Variants in WNK1 observed in about 807,000 individuals in gnomAD.
WNK1 encodes the protein WNK lysine deficient protein kinase 1.
WNK1 carries 38 observed loss-of-function variants against 222.8 expected under a neutral mutation model. The ratio of observed to expected loss-of-function variants is 0.17; its 90% CI spans 0.13 to 0.22. The LOEUF is 0.22. Ranked by LOEUF, WNK1 falls within the 10% of genes least tolerant of loss-of-function variation. The pLI, the probability that WNK1 is intolerant of heterozygous loss-of-function variation, is 1.00. For synonymous variants in WNK1, 1,090 were observed against 1,092.9 expected (o/e 1.00, Z 0.05); for missense variants, 2,348 against 2,918.4 (o/e 0.80, Z 4.50).
At chr12:796,980 C>A (rs1013432036) in intron 1 of WNK1, among the ~76,000 whole-genome samples, 1 of 152,120 alleles carries the variant, frequency 6.6e-6, no homozygotes, top group Admixed American at 6.6e-5. Flanking sequence ...GTGAAGTTCT[C>A]AAGATTTTAG....
At chr12:757,264 TAG>T (rs1475703060) in intron 1 of WNK1, among the ~76,000 whole-genome samples, 2 of 151,830 alleles carry the variant, frequency 1.3e-5, no homozygotes, top group South Asian at 4.2e-4. Context: ...CTAATTTTTT[TAG>T]AGTCATGCTA....
intron 26 of WNK1, among the ~76,000 whole-genome samples, chr12:903,214 G>A (rs1057135994): frequency 6.6e-6 from 1 of 152,180 alleles, no homozygotes; most frequent in South Asian, 2.1e-4. Flanking sequence ...AGCTGTACTT[G>A]AGAGGCAGTC....
rs769005413 is a variant in WNK1, at chr12:753,916, G to C, written c.351G>C (p.Pro117=). The C allele has an allele frequency of 4.3e-6, 7 of 1,609,224 alleles. No individual in the cohort carries two copies. Among genetic ancestry groups the C allele is most frequent in the Non-Finnish European group, 5.9e-6 (7 of 1,178,374 alleles). The change falls in exon 1 of 28, where the codon CCG becomes CCC. Residue 117 remains proline, a synonymous_variant. Coordinates refer to ENST00000315939, the MANE Select transcript of WNK1 (RefSeq NM_018979.4). This position sits in a 1 kb window ranked among gnomAD's most constrained non-coding sequence, Gnocchi z 5.2. ...IPAAVPQSAP[P]EPHREETVTA... ...CGGCTGTCCCGCAGAGTGCTCCACCGGAGCCCCACCGGGAAGAGACCGTGA... is the reference window on the plus strand; with the variant it reads ...CGGCTGTCCCGCAGAGTGCTCCACCCGAGCCCCACCGGGAAGAGACCGTGA...
chr12:813,234 TAAAC>T (rs1449225501), intron 1 of WNK1, among the ~76,000 whole-genome samples: 1 of 152,176 alleles, frequency 6.6e-6, no homozygotes, highest in Non-Finnish European at 1.5e-5. Context: ...TCCTGTCTTT[TAAAC>T]AAACAAACAA....
At chr12:839,097 G>A (rs1257594638) in intron 4 of WNK1, among the ~76,000 whole-genome samples, 1 of 152,198 alleles carries the variant, frequency 6.6e-6, no homozygotes, top group African/African-American at 2.4e-5. Flanking sequence ...CTTAATGAAA[G>A]CATGTAAGAG....
chr12:885,291 C>T lies in WNK1; in HGVS notation c.4487C>T (p.Thr1496Ile), dbSNP rs763829194. 6.2e-7 allele frequency: 1 copy of T among 1,614,088 alleles called. No individual in the cohort carries two copies. The highest frequency in any genetic ancestry group is 8.5e-7 in the Non-Finnish European group (1 of 1,180,038). ...GATLTSVSTT[T>I]SFPSTASQLC... ...ACATTAACATCAGTTTCTACCACCA[C>T]TTCATTCCCAAGCACAGCTTCACAG... Residue 1496 changes from threonine to isoleucine, a missense_variant, in exon 19 of 28, where the codon ACT (threonine) becomes ATT (isoleucine). Around this residue, in one of 13 missense-constraint regions of WNK1, gnomAD observed 1,144 missense variants for 1,273.6 expected, o/e 0.90. Coordinates refer to ENST00000315939, the MANE Select transcript of WNK1 (RefSeq NM_018979.4).
intron 2 of WNK1, among the ~76,000 whole-genome samples, chr12:818,202 A>AT (rs1947535604): frequency 6.6e-6 from 1 of 152,034 alleles, no homozygotes; most frequent in Admixed American, 6.6e-5. Flanking sequence ...CAGGCAGCGT[A>AT]TTTTTTCTTT....
At chr12:767,500 C>G (rs1163284825) in intron 1 of WNK1, among the ~76,000 whole-genome samples, 1 of 152,056 alleles carries the variant, frequency 6.6e-6, no homozygotes, top group Non-Finnish European at 1.5e-5. Flanking sequence ...ATCCACCCTC[C>G]TTGGCCTCCC....
chr12:753,712 C>T lies in WNK1; in HGVS notation c.147C>T (p.Gly49=). The part of the protein sequence containing the change: ...LGAAAADAVT[G]RTEEYRRRRH... Reference sequence around the variant, plus strand: ...CCGCGGCCGCCGACGCTGTGACCGGCAGGACCGAGGAGTACAGGCGCCGCC... The same window carrying T: ...CCGCGGCCGCCGACGCTGTGACCGGTAGGACCGAGGAGTACAGGCGCCGCC... Residue 49 remains glycine (G), a synonymous_variant, in exon 1 of 28, where the codon GGC becomes GGT. Coordinates refer to ENST00000315939, the MANE Select transcript of WNK1 (RefSeq NM_018979.4). The surrounding 1 kb of genome is among the most constrained non-coding windows in gnomAD (Gnocchi z 5.2). 6.2e-7 allele frequency: 1 copy of T among 1,612,126 alleles called. No homozygotes were observed. Among genetic ancestry groups the T allele is most frequent in the Non-Finnish European group, 8.5e-7 (1 of 1,179,804 alleles).
chr12:832,729 CCTTA>C (rs1217506012), intron 4 of WNK1, among the ~76,000 whole-genome samples: 1 of 152,124 alleles, frequency 6.6e-6, no homozygotes, highest in Admixed American at 6.5e-5. Context: ...TGGCCTGAGG[CCTTA>C]CTGTTAAATT....
chr12:891,155 T>C (rs1380896061), intron 22 of WNK1, among the ~76,000 whole-genome samples: 6 of 152,240 alleles, frequency 3.9e-5, no homozygotes, highest in Admixed American at 2.6e-4. Context: ...TTCTTTTTTT[T>C]TGAAGTGGAG....
chr12:821,042 G>GT (rs60880879), intron 2 of WNK1, among the ~76,000 whole-genome samples: 2,975 of 78,446 alleles, frequency 0.038, 84 homozygotes, highest in South Asian at 0.076. Flanking sequence ...AGTTTCTTGA[G>GT]TTTTTTTTTT....
Position 814,089 on chromosome 12 carries a change from G to T in WNK1, c.932+275G>T, listed in dbSNP as rs545683661. Among the ~76,000 whole-genome samples the T allele has an allele frequency of 1.4e-4, 21 of 152,242 alleles. No individual in the cohort carries two copies. In the South Asian group the frequency reaches 4.3e-3, roughly 32 times the overall value. ...AGCACTTTGGGAGGCCGGGGCAGGC[G>T]GATCACCTGAGGTTGGATCACCTGA... On this transcript the variant is annotated intron_variant, in intron 2 of 27. Transcript: ENST00000315939.
intron 8 of WNK1, among the ~76,000 whole-genome samples, chr12:866,367 T>C (rs549799960): frequency 3.2e-4 from 49 of 152,308 alleles, no homozygotes; most frequent in Admixed American, 5.2e-4. Flanking sequence ...TATTTACTTA[T>C]TTATTTATGT....
intron 1 of WNK1, among the ~76,000 whole-genome samples, chr12:776,578 G>A (rs574714935): frequency 2.0e-5 from 3 of 151,970 alleles, no homozygotes; most frequent in South Asian, 2.1e-4. Flanking sequence ...CTACAGGTGC[G>A]TGCCACCGTG....
At chr12:814,606 G>A (rs1001486635) in intron 2 of WNK1, among the ~76,000 whole-genome samples, 7 of 151,988 alleles carry the variant, frequency 4.6e-5, no homozygotes, top group East Asian at 1.9e-4. Context: ...GAAATTTCCC[G>A]TTACTTATTG....
chr12:790,829 A>G (rs928690195), intron 1 of WNK1, among the ~76,000 whole-genome samples: 2 of 151,264 alleles, frequency 1.3e-5, no homozygotes, highest in Admixed American at 1.3e-4. Flanking sequence ...TTTCTTTTGG[A>G]AGGGAACTTA....
intron 1 of WNK1, among the ~76,000 whole-genome samples, chr12:780,824 A>G (rs1943619403): frequency 6.6e-6 from 1 of 152,206 alleles, no homozygotes; most frequent in African/African-American, 2.4e-5. Flanking sequence ...TAATCCTGTC[A>G]GCTTTAGGCC....
chr12:763,710 G>C (rs997734550), intron 1 of WNK1, among the ~76,000 whole-genome samples: 5 of 147,608 alleles, frequency 3.4e-5, no homozygotes, highest in Non-Finnish European at 6.1e-5. Flanking sequence ...ATGAGTGTGA[G>C]ATTTTTAGGA....
Sources: gnomAD v4.1 joint callset for allele counts (sites outside exome capture counted in the v4.1 genomes callset) on GRCh38, gnomAD v4.1.1 for gene constraint, gnomAD v4.1.1 regional missense constraint, Gnocchi (gnomAD v3.1) non-coding constraint, MANE v1.5 for transcripts, NCBI Gene and HGNC (gene_info 2026-07-23, HGNC 2026-07-21) for gene names.